Variants in NOM1 observed in about 807,000 individuals in gnomAD.
The protein encoded by NOM1 is nucleolar MIF4G domain-containing protein 1.
In NOM1, 58 loss-of-function variants were observed where a neutral mutation model predicts 73.3. The observed-to-expected ratio is 0.79, with a 90% CI of 0.64 to 0.99. The LOEUF is 0.99. NOM1 is among the 50% of genes least tolerant of loss of function. NOM1 has a pLI of 0.00. For missense variants in NOM1, 1,226 were observed against 1,131.9 expected, an observed-to-expected ratio of 1.08 and a Z score of -1.19; for synonymous variants, 487 against 446.8, an observed-to-expected ratio of 1.09 and a Z score of -1.14.
rs1346743078 is a variant in NOM1 at position 156,949,950 on chromosome 7, G to T, written c.213G>T (p.Pro71=). ...APGGCEGRGA[P]VSFRPGGRKS... ...GGGGTTGCGAGGGGCGCGGCGCCCC[G>T]GTGAGCTTTCGCCCGGGAGGGAGAA... The change falls in exon 1 of 11, where the codon CCG becomes CCT. Residue 71 remains proline (P), a synonymous_variant. Coordinates refer to ENST00000275820, the MANE Select transcript of NOM1 (RefSeq NM_138400.2). 1 of 1,541,870 alleles carries T rather than the reference G, an allele frequency of 6.5e-7. No homozygotes were observed. The highest frequency in any genetic ancestry group is 8.7e-7 in the Non-Finnish European group (1 of 1,146,440).
chr7:156,961,392 G>T (rs1451444033), intron 4 of NOM1, among the ~76,000 whole-genome samples: 1 of 152,160 alleles, frequency 6.6e-6, no homozygotes, highest in Non-Finnish European at 1.5e-5. Context: ...AGAGGAGGGG[G>T]CTGGAGAAGG....
chr7:156,959,988 C>T lies in NOM1; in HGVS notation c.1446C>T (p.Leu482=), dbSNP rs553439911. 2 of 1,614,160 alleles carry T rather than the reference C, an allele frequency of 1.2e-6. No individual in the cohort carries two copies. The highest frequency in any genetic ancestry group is 1.1e-5 in the South Asian group (1 of 91,082). The change falls in exon 4 of 11, where the codon CTC becomes CTT. Residue 482 remains leucine (L), a synonymous_variant. Transcript: ENST00000275820. ...ACTTCCACGTGGTACAGTCTCTCCT[C>T]ATCTTCGACATTTTGAAAAAACTGA... The part of the protein sequence containing the change: ...LYNFHVVQSL[L]IFDILKKLIG...
At chr7:156,954,598 G>A (rs888622761) in intron 3 of NOM1, among the ~76,000 whole-genome samples, 12 of 143,586 alleles carry the variant, frequency 8.4e-5, no homozygotes, top group African/African-American at 3.2e-4. Flanking sequence ...GATCACAGCT[G>A]CAGACTCGAG....
In NOM1 at chr7:156,963,061, T is replaced by C. The variant is rs938564839; in HGVS notation, c.1797T>C (p.Ser599=). 3 of 1,614,204 alleles carry C rather than the reference T, an allele frequency of 1.9e-6. No individual in the cohort carries two copies. The highest frequency in any genetic ancestry group is 2.5e-6 in the Non-Finnish European group (3 of 1,180,038). Residue 599 remains serine (S), a synonymous_variant, in exon 6 of 11, where the codon AGT becomes AGC. Coordinates refer to ENST00000275820, the MANE Select transcript of NOM1 (RefSeq NM_138400.2). ...CGCAGCTTCGCGTCTCCTGGGACAGTGTCTTGAGTGCGGAGCAGACGGGTC... is the reference window on the plus strand; with the variant it reads ...CGCAGCTTCGCGTCTCCTGGGACAGCGTCTTGAGTGCGGAGCAGACGGGTC... ...SETQLRVSWD[S]VLSAEQTGRW... is the part of the protein sequence containing the mutation.
chr7:156,957,115 G>A (rs1804743436), intron 3 of NOM1, among the ~76,000 whole-genome samples: 1 of 152,088 alleles, frequency 6.6e-6, no homozygotes. Context: ...TGTTCCGAAG[G>A]GAAGTCATTA....
chr7:156,951,532 A>C (rs919418608), intron 1 of NOM1, among the ~76,000 whole-genome samples: 2 of 152,132 alleles, frequency 1.3e-5, no homozygotes, highest in East Asian at 3.8e-4. Context: ...CCTTCTCCCC[A>C]CATCGCACTA....
rs760501099 is a variant in NOM1, at chr7:156,950,676, TGAAGA to T, written c.940_944del (p.Glu314LysfsTer3). 6.4e-7 allele frequency: 1 copy of T among 1,551,886 alleles called. No individual in the cohort carries two copies. Among genetic ancestry groups the T allele is most frequent in the South Asian group, 1.2e-5 (1 of 84,132 alleles). On this transcript the variant is annotated frameshift_variant, in exon 1 of 11. Coordinates refer to ENST00000275820, the MANE Select transcript of NOM1 (RefSeq NM_138400.2). LOFTEE classifies it high-confidence loss of function. Reference sequence around the variant, plus strand: ...GGAAGAGAGTCCGTTTTGCAGAAGATGAAGAAAAGAGTGAAAATTCCTCGGAGGAC... The same window carrying T: ...GGAAGAGAGTCCGTTTTGCAGAAGATAAAGAGTGAAAATTCCTCGGAGGAC...
Position 156,949,946 on chromosome 7 carries a change from C to T in NOM1, c.209C>T (p.Ala70Val). The T allele has an allele frequency of 3.2e-6, 5 of 1,541,816 alleles. No homozygotes were observed. Among genetic ancestry groups the T allele is most frequent in the Non-Finnish European group, 4.4e-6 (5 of 1,146,274 alleles). ...EAPGGCEGRG[A>V]PVSFRPGGRK... ...CCCGGGGGTTGCGAGGGGCGCGGCG[C>T]CCCGGTGAGCTTTCGCCCGGGAGGG... The change falls in exon 1 of 11, where the codon GCC (alanine) becomes GTC (valine). Residue 70 changes from alanine to valine, a missense_variant. Coordinates refer to ENST00000275820, the MANE Select transcript of NOM1 (RefSeq NM_138400.2).
chr7:156,950,101 C>T lies in NOM1; in HGVS notation c.364C>T (p.His122Tyr). Residue 122 changes from histidine to tyrosine, a missense_variant, in exon 1 of 11, where the codon CAC becomes TAC. By Grantham distance (83) the His-to-Tyr change is moderately conservative. Transcript: ENST00000275820. ...GRSGAEEASG[H>Y]RQDTEERARP... ...AAGCGGAGCCGAAGAAGCCAGCGGTCACCGGCAGGACACGGAGGAGCGCGC... is the reference window on the plus strand; with the variant it reads ...AAGCGGAGCCGAAGAAGCCAGCGGTTACCGGCAGGACACGGAGGAGCGCGC... 1 of 1,549,414 alleles carries T rather than the reference C, an allele frequency of 6.5e-7. No homozygotes were observed.
intron 6 of NOM1, chr7:156,963,502 A>G (rs1296052243): frequency 2.3e-6 from 1 of 438,680 alleles, no homozygotes; most frequent in Non-Finnish European, 4.2e-6. Context: ...ATTCTAGGCT[A>G]CAGGCTATGG....
rs189903305 is a variant in NOM1 at position 156,961,335 on chromosome 7, C to T, written c.1633-816C>T. ...ATTTGCATTTTGGGCTGAATTGTGACGGCGGTCCTGACTGGCTTATCCTGG... is the reference window on the plus strand; with the variant it reads ...ATTTGCATTTTGGGCTGAATTGTGATGGCGGTCCTGACTGGCTTATCCTGG... On this transcript the variant is annotated intron_variant, in intron 4 of 10. Coordinates refer to ENST00000275820, the MANE Select transcript of NOM1 (RefSeq NM_138400.2). Among the ~76,000 whole-genome samples the T allele has an allele frequency of 2.2e-3, 331 of 152,214 alleles. 3 individuals carry two copies. The highest frequency in any genetic ancestry group is 7.8e-3 in the African/African-American group (323 of 41,516).
In NOM1 at chr7:156,950,147, A is replaced by C. The variant is rs1332582940; in HGVS notation, c.410A>C (p.Asp137Ala). 1.3e-6 allele frequency: 2 copies of C among 1,581,538 alleles called. No homozygotes were observed. The highest frequency in any genetic ancestry group is 1.8e-5 in the Admixed American group (1 of 54,494). ...CGCGCCCGCCCAGCCCCTAGTCGGGACCCCTCGCCTCCCAGGAAGCCGCGG... is the reference window on the plus strand; with the variant it reads ...CGCGCCCGCCCAGCCCCTAGTCGGGCCCCCTCGCCTCCCAGGAAGCCGCGG... ...EERARPAPSR[D>A]PSPPRKPRPS... Residue 137 changes from aspartate to alanine, a missense_variant, in exon 1 of 11, where the codon GAC becomes GCC. Transcript: ENST00000275820.
chr7:156,962,405 T>A (rs1804888561), intron 5 of NOM1, 144 bp downstream of exon 5: 2 of 664,870 alleles, frequency 3.0e-6, no homozygotes, highest in Admixed American at 5.2e-5. Context: ...TGAACGCGGC[T>A]CGGTTTTCCT....
chr7:156,969,201 G>A lies in NOM1; in HGVS notation c.2408+5G>A. The A allele has an allele frequency of 7.3e-7, 1 of 1,363,544 alleles. No individual in the cohort carries two copies. The highest frequency in any genetic ancestry group is 1.1e-6 in the Non-Finnish European group (1 of 951,152). The allele number at this position is 1,363,544 out of a possible 1,614,324, so 84.5% of individuals were successfully genotyped here. On this transcript the variant is annotated splice_donor_5th_base_variant and intron_variant, in intron 10 of 10. Coordinates refer to ENST00000275820, the MANE Select transcript of NOM1 (RefSeq NM_138400.2). ...CCTCAGTTTAATTTTCACAAGGTAT[G>A]TGCCCCACCCTTTCCGACGAGACAT...
intron 9 of NOM1, among the ~76,000 whole-genome samples, chr7:156,968,396 C>T (rs140173503): frequency 1.9e-4 from 29 of 152,212 alleles, no homozygotes; most frequent in African/African-American, 6.3e-4. Flanking sequence ...TTTGTGGTCT[C>T]GCCGCGTCCT....
chr7:156,968,218 TC>T (rs1250420578), intron 9 of NOM1, among the ~76,000 whole-genome samples: 3 of 152,164 alleles, frequency 2.0e-5, no homozygotes, highest in Non-Finnish European at 4.4e-5. Flanking sequence ...GCCTTGCCTT[TC>T]GCTCGCCCAG....
chr7:156,968,687 T>TTATATATATATA (rs6150414), intron 9 of NOM1: 8 of 132,554 alleles, frequency 6.0e-5, no homozygotes, highest in East Asian at 2.4e-4. Flanking sequence ...GAAGTAAATT[T>TTATATATATATA]TATATATATA....
Position 156,971,462 on chromosome 7 carries a change from C to G in NOM1, c.*1759C>G, listed in dbSNP as rs1805138515. 1 of 151,868 alleles carries G rather than the reference C, an allele frequency of 6.6e-6. No homozygotes were observed. Among genetic ancestry groups the G allele is most frequent in the South Asian group, 2.1e-4 (1 of 4,790 alleles). The allele number at this position is 151,868 out of a possible 1,614,324, so 9.4% of individuals were successfully genotyped here. ...GAGTGCAGTGGCACGATCATAGTTACCGCAGCATCAAATTCCTGGACTGAA... is the reference window on the plus strand; with the variant it reads ...GAGTGCAGTGGCACGATCATAGTTAGCGCAGCATCAAATTCCTGGACTGAA... On this transcript the variant is annotated 3_prime_UTR_variant, in exon 11 of 11. Coordinates refer to ENST00000275820, the MANE Select transcript of NOM1 (RefSeq NM_138400.2).
intron 6 of NOM1, chr7:156,963,482 C>T (rs1353100833): frequency 1.1e-5 from 5 of 469,906 alleles, no homozygotes; most frequent in South Asian, 9.0e-5. Context: ...GGCTGCCCCC[C>T]GGGCTGTGCA....
Sources: gnomAD v4.1 joint callset for allele counts (sites outside exome capture counted in the v4.1 genomes callset) on GRCh38, gnomAD v4.1.1 for gene constraint, MANE v1.5 for transcripts, NCBI Gene and HGNC (gene_info 2026-07-23, HGNC 2026-07-21) for gene names.